CTNND2: variants seen among roughly 807,000 people sequenced by gnomAD.
CTNND2 encodes the protein catenin delta-2.
In CTNND2, 22 loss-of-function variants were observed where a neutral mutation model predicts 144.4. The ratio of observed to expected loss-of-function variants is 0.15; its 90% CI spans 0.11 to 0.22. The LOEUF (loss-of-function observed/expected upper bound fraction) is 0.22, where lower values mean the gene tolerates loss of function less well. Ranked by LOEUF, CTNND2 falls within the 10% of genes least tolerant of loss-of-function variation. The pLI is 1.00. For missense variants in CTNND2, 1,353 were observed against 1,618.8 expected, an observed-to-expected ratio of 0.84 and a Z score of 2.82; for synonymous variants, 751 against 695.6, an observed-to-expected ratio of 1.08 and a Z score of -1.25.
intron 18 of CTNND2, among the ~76,000 whole-genome samples, chr5:11,000,662 C>T (rs1579997888): frequency 6.6e-6 from 1 of 152,160 alleles, no homozygotes; most frequent in African/African-American, 2.4e-5. Context: ...GGCTTGCTAA[C>T]CCTGGGTGTC....
intron 11 of CTNND2, among the ~76,000 whole-genome samples, chr5:11,188,084 C>T (rs566330557): frequency 3.3e-5 from 5 of 152,068 alleles, no homozygotes; most frequent in Non-Finnish European, 7.4e-5. Context: ...TCATTTGACC[C>T]AGCAATCCCA....
intron 2 of CTNND2, among the ~76,000 whole-genome samples, chr5:11,654,328 T>G (rs921659002): frequency 6.6e-6 from 1 of 152,108 alleles, no homozygotes; most frequent in African/African-American, 2.4e-5. Context: ...TTGGGTAGTG[T>G]GGACATTTTA....
intron 18 of CTNND2, among the ~76,000 whole-genome samples, chr5:11,014,495 G>A (rs1437454512): frequency 6.6e-6 from 1 of 152,112 alleles, no homozygotes; most frequent in African/African-American, 2.4e-5. Flanking sequence ...AAAGGGTGAT[G>A]CATTCTTTAG....
intron 15 of CTNND2, among the ~76,000 whole-genome samples, chr5:11,085,237 C>A (rs1205765609): frequency 6.6e-6 from 1 of 152,058 alleles, no homozygotes; most frequent in Non-Finnish European, 1.5e-5. Flanking sequence ...ATTTTTGATA[C>A]GAGAAACTGG....
chr5:11,859,469 A>C (rs932208718), intron 1 of CTNND2, among the ~76,000 whole-genome samples: 1 of 152,224 alleles, frequency 6.6e-6, no homozygotes, highest in Non-Finnish European at 1.5e-5. Context: ...ATAAATATCC[A>C]GTTCTTGAAC....
At chr5:11,130,756 G>A (rs1056047294) in intron 12 of CTNND2, among the ~76,000 whole-genome samples, 10 of 152,114 alleles carry the variant, frequency 6.6e-5, no homozygotes, top group African/African-American at 2.2e-4. Context: ...ATGACCGGAC[G>A]ACGTCTCAAG....
chr5:11,780,372 T>C (rs1474684941), intron 1 of CTNND2, among the ~76,000 whole-genome samples: 1 of 152,180 alleles, frequency 6.6e-6, no homozygotes, highest in African/African-American at 2.4e-5. Flanking sequence ...GAAGTAGATG[T>C]CATCCTCTAT....
intron 8 of CTNND2, among the ~76,000 whole-genome samples, chr5:11,354,350 G>A (rs930897544): frequency 1.2e-4 from 19 of 152,216 alleles, no homozygotes; most frequent in African/African-American, 4.6e-4. Flanking sequence ...TGCTGAATAA[G>A]AGGCTCAAAA....
At chr5:10,983,371 C>A (rs1406309144) in intron 20 of CTNND2, among the ~76,000 whole-genome samples, 1 of 152,068 alleles carries the variant, frequency 6.6e-6, no homozygotes, top group Non-Finnish European at 1.5e-5. Context: ...AGGAAGGGCT[C>A]ATTGTTTGCT....
chr5:11,082,600 TA>T, intron 16 of CTNND2, 95 bp downstream of exon 16: 1 of 1,393,538 alleles, frequency 7.2e-7, no homozygotes, highest in Non-Finnish European at 9.7e-7. Context: ...GGCTTCTGTG[TA>T]AGCATAGGCT....
intron 2 of CTNND2, among the ~76,000 whole-genome samples, chr5:11,598,215 A>G (rs1779615411): frequency 6.6e-6 from 1 of 152,184 alleles, no homozygotes; most frequent in South Asian, 2.1e-4. Flanking sequence ...AATCATTTAT[A>G]GTTTTAAGTT....
At chr5:11,230,550 A>G (rs73743720) in intron 10 of CTNND2, among the ~76,000 whole-genome samples, 2,038 of 152,254 alleles carry the variant, frequency 0.013, 53 homozygotes, top group African/African-American at 0.047. Flanking sequence ...GAGCACTGCC[A>G]TCCATCCACA....
At chr5:11,423,455 T>C (rs1374164671) in intron 3 of CTNND2, among the ~76,000 whole-genome samples, 1 of 152,216 alleles carries the variant, frequency 6.6e-6, no homozygotes, top group African/African-American at 2.4e-5. Flanking sequence ...CCCAGACATT[T>C]CAAGTTTCAC....
chr5:10,993,049 G>A (rs1488326526), intron 18 of CTNND2, among the ~76,000 whole-genome samples: 2 of 152,030 alleles, frequency 1.3e-5, no homozygotes, highest in Admixed American at 6.6e-5. Context: ...TCCCTCTTCC[G>A]CTGCCTCAAG....
intron 1 of CTNND2, among the ~76,000 whole-genome samples, chr5:11,785,727 G>A (rs531450893): frequency 6.6e-6 from 1 of 152,152 alleles, no homozygotes; most frequent in Non-Finnish European, 1.5e-5. Flanking sequence ...AGAATTTGGA[G>A]GCTGGGTTAC....
At chr5:11,213,362 G>A (rs370007981) in intron 10 of CTNND2, among the ~76,000 whole-genome samples, 2 of 152,042 alleles carry the variant, frequency 1.3e-5, no homozygotes, top group African/African-American at 4.8e-5. Context: ...ACTATGACCC[G>A]CTCTTTCGAG....
In CTNND2 at chr5:11,192,336, G is replaced by A. The variant is rs114451926; in HGVS notation, c.1975+7112C>T. On this transcript the variant is annotated intron_variant, in intron 11 of 21. Coordinates refer to ENST00000304623, the MANE Select transcript of CTNND2 (RefSeq NM_001332.4). ...CCGACTAAATCCAAGGGGTCTCCAT[G>A]TGCTCACTTCCCTCAGACACTGTGG... Among the ~76,000 whole-genome samples the A allele has an allele frequency of 7.8e-3, 1,193 of 152,240 alleles. 13 individuals are homozygous for A. The highest frequency in any genetic ancestry group is 0.027 in the African/African-American group (1,112 of 41,514).
intron 2 of CTNND2, among the ~76,000 whole-genome samples, chr5:11,640,878 A>C (rs75552554): frequency 0.015 from 2,228 of 152,284 alleles, 46 homozygotes; most frequent in African/African-American, 0.045. Flanking sequence ...ACTGAACCCT[A>C]TCAACTCTGC....
chr5:11,224,008 A>C (rs1258531681), intron 10 of CTNND2, among the ~76,000 whole-genome samples: 2 of 152,064 alleles, frequency 1.3e-5, no homozygotes, highest in Admixed American at 6.6e-5. Flanking sequence ...GGTAAGTAAA[A>C]ACACGACTGA....
Sources: allele counts gnomAD v4.1 joint callset (sites outside exome capture counted in the v4.1 genomes callset), GRCh38; gene constraint gnomAD v4.1.1; transcripts MANE v1.5; gene names NCBI Gene and HGNC (gene_info 2026-07-23, HGNC 2026-07-21).